Variants in FAT3 observed in about 807,000 individuals in gnomAD.
The protein encoded by FAT3 is FAT atypical cadherin 3.
In FAT3, 95 loss-of-function variants were observed where a neutral mutation model predicts 310.2. The observed-to-expected ratio is 0.31, with a 90% confidence interval of 0.26 to 0.36. The LOEUF is 0.36. Among genes scored for constraint, FAT3 ranks in the 10% least tolerant of loss-of-function variants. The pLI, the probability that FAT3 is intolerant of heterozygous loss-of-function variation, is 1.00. For missense variants in FAT3, 5,408 were observed against 5,715.6 expected, an observed-to-expected ratio of 0.95 and a Z score of 1.74; for synonymous variants, 2,314 against 2,192.9, an observed-to-expected ratio of 1.06 and a Z score of -1.54.
chr11:92,617,358 T>A (rs1471051276), intron 3 of FAT3, among the ~76,000 whole-genome samples: 1 of 152,202 alleles, frequency 6.6e-6, no homozygotes, highest in African/African-American at 2.4e-5. Context: ...GTACGCTGTT[T>A]ATTCTAGTTA....
At chr11:92,690,430 G>C (rs1027876736) in intron 3 of FAT3, among the ~76,000 whole-genome samples, 1 of 152,116 alleles carries the variant, frequency 6.6e-6, no homozygotes, top group African/African-American at 2.4e-5. Flanking sequence ...AAATTTAATA[G>C]CAGCACCATG....
chr11:92,718,239 A>G (rs1944748318), intron 4 of FAT3, among the ~76,000 whole-genome samples: 1 of 152,168 alleles, frequency 6.6e-6, no homozygotes, highest in Non-Finnish European at 1.5e-5. Flanking sequence ...TGCCACACAC[A>G]CACCAAAAGT....
chr11:92,582,868 C>T (rs1367375203), intron 3 of FAT3, among the ~76,000 whole-genome samples: 1 of 152,036 alleles, frequency 6.6e-6, no homozygotes, highest in African/African-American at 2.4e-5. Context: ...AGGGATGGAA[C>T]TCTTTTGAGC....
chr11:92,293,074 A>T (rs1027288842), intron 1 of FAT3, among the ~76,000 whole-genome samples: 1 of 142,510 alleles, frequency 7.0e-6, no homozygotes, highest in Admixed American at 6.8e-5. Context: ...GGAAGGAAGG[A>T]AGGAAAGAAG....
At chr11:92,499,599 C>T (rs896512005) in intron 2 of FAT3, among the ~76,000 whole-genome samples, 4 of 151,916 alleles carry the variant, frequency 2.6e-5, no homozygotes, top group African/African-American at 9.7e-5. Context: ...AAAAAATTTG[C>T]AGAGACCCTG....
At chr11:92,407,843 C>T (rs1168017616) in intron 2 of FAT3, among the ~76,000 whole-genome samples, 1 of 152,122 alleles carries the variant, frequency 6.6e-6, no homozygotes, top group Admixed American at 6.6e-5. Context: ...CAGCATCATA[C>T]ATTTCATTCA....
intron 4 of FAT3, among the ~76,000 whole-genome samples, chr11:92,755,536 T>G (rs527982755): frequency 7.2e-5 from 11 of 152,296 alleles, no homozygotes; most frequent in Non-Finnish European, 2.9e-5. Context: ...AGAGTAGATT[T>G]TAAGTCTTCT....
chr11:92,313,646 G>A (rs999315111), intron 1 of FAT3, among the ~76,000 whole-genome samples: 8 of 152,222 alleles, frequency 5.3e-5, no homozygotes, highest in Admixed American at 1.3e-4. Context: ...TGCAACCTCC[G>A]CCTCCTGGGT....
At chr11:92,417,895 TA>T (rs1950450693) in intron 2 of FAT3, among the ~76,000 whole-genome samples, 3 of 152,290 alleles carry the variant, frequency 2.0e-5, no homozygotes, top group Admixed American at 2.0e-4. Flanking sequence ...CTATTCTCCT[TA>T]AACTTAGGAG....
At chr11:92,565,163 G>A (rs986191670) in intron 3 of FAT3, among the ~76,000 whole-genome samples, 6 of 143,930 alleles carry the variant, frequency 4.2e-5, no homozygotes, top group Admixed American at 2.2e-4. Flanking sequence ...GAAAAAAAGA[G>A]AGAAGAATCA....
chr11:92,384,325 G>C (rs1383754823), intron 2 of FAT3, among the ~76,000 whole-genome samples: 1 of 152,164 alleles, frequency 6.6e-6, no homozygotes, highest in South Asian at 2.1e-4. Flanking sequence ...GTATTGGAGA[G>C]GAAACAGGTA....
intron 1 of FAT3, among the ~76,000 whole-genome samples, chr11:92,250,985 G>T (rs773038853): frequency 1.3e-5 from 2 of 152,112 alleles, no homozygotes; most frequent in African/African-American, 2.4e-5. Context: ...ATGGAGTGAT[G>T]TGATAAAGAT....
At chr11:92,783,502 TAAAAA>T (rs11349996) in intron 7 of FAT3, among the ~76,000 whole-genome samples, 8 of 140,310 alleles carry the variant, frequency 5.7e-5, no homozygotes, top group Non-Finnish European at 1.2e-4. Flanking sequence ...CTTTTTTAAT[TAAAAA>T]AAAAAAAAAA....
chr11:92,272,039 C>T (rs993490440), intron 1 of FAT3, among the ~76,000 whole-genome samples: 1 of 152,080 alleles, frequency 6.6e-6, no homozygotes, highest in Non-Finnish European at 1.5e-5. Context: ...CTCTGTCAAG[C>T]AGTCGTTGTC....
intron 3 of FAT3, among the ~76,000 whole-genome samples, chr11:92,572,726 G>A (rs1260344635): frequency 6.6e-6 from 1 of 152,148 alleles, no homozygotes; most frequent in Non-Finnish European, 1.5e-5. Context: ...TGGGTAAGTT[G>A]TCCTTGTTCA....
intron 2 of FAT3, among the ~76,000 whole-genome samples, chr11:92,481,699 C>T (rs931051032): frequency 1.3e-5 from 2 of 152,142 alleles, no homozygotes; most frequent in South Asian, 2.1e-4. Flanking sequence ...TATTTATTCT[C>T]TCCTTTGTGA....
intron 7 of FAT3, among the ~76,000 whole-genome samples, chr11:92,789,653 T>C (rs1250707465): frequency 2.6e-5 from 4 of 152,324 alleles, no homozygotes; most frequent in South Asian, 2.1e-4. Flanking sequence ...ACATTGTGCA[T>C]CAAAGAATTC....
intron 13 of FAT3, among the ~76,000 whole-genome samples, chr11:92,825,488 G>T (rs991355868): frequency 3.3e-5 from 5 of 152,188 alleles, no homozygotes; most frequent in African/African-American, 1.2e-4. Flanking sequence ...GCATATGTAG[G>T]ATTTTGACAA....
chr11:92,456,274 C>A (rs1951490231), intron 2 of FAT3, among the ~76,000 whole-genome samples: 1 of 152,202 alleles, frequency 6.6e-6, no homozygotes, highest in South Asian at 2.1e-4. Flanking sequence ...TGTTCAGGAG[C>A]AATTAGCTAT....
Sources: gnomAD v4.1 joint callset for allele counts (sites outside exome capture counted in the v4.1 genomes callset) on GRCh38, gnomAD v4.1.1 for gene constraint, MANE v1.5 for transcripts, NCBI Gene and HGNC (gene_info 2026-07-23, HGNC 2026-07-21) for gene names.